The following DMBX1 variants were observed in gnomAD, a reference collection of about 807,000 sequenced individuals.
DMBX1 encodes diencephalon/mesencephalon homeobox protein 1.
In DMBX1, 7 loss-of-function variants were observed where a neutral mutation model predicts 30.4. The ratio of observed to expected loss-of-function variants is 0.23; its 90% confidence interval spans 0.13 to 0.43. The LOEUF is 0.43. Ranked by LOEUF, DMBX1 falls within the 20% of genes least tolerant of loss-of-function variation. The pLI is 1.00. For missense variants in DMBX1, 460 were observed against 508.5 expected, an observed-to-expected ratio of 0.90 and a Z score of 0.92; for synonymous variants, 222 against 214.2, an observed-to-expected ratio of 1.04 and a Z score of -0.32.
rs1262586601 is a variant in DMBX1 at position 46,512,425 on chromosome 1, C to T, written c.1065C>T (p.Ser355=). 6.2e-7 allele frequency: 1 copy of T among 1,613,922 alleles called. No homozygotes were observed. Among genetic ancestry groups the T allele is most frequent in the Admixed American group, 1.7e-5 (1 of 60,016 alleles). ...ASATLNSKTT[S]IENLRLRAKQ... Reference sequence around the variant, plus strand: ...CTACCCTGAACAGTAAAACCACAAGCATCGAGAACCTGCGGCTCCGGGCCA... The same window carrying T: ...CTACCCTGAACAGTAAAACCACAAGTATCGAGAACCTGCGGCTCCGGGCCA... The change falls in exon 6 of 6, where the codon AGC becomes AGT. Residue 355 remains serine (S), a synonymous_variant. Transcript: ENST00000360032. This position sits in a 1 kb window ranked among gnomAD's most constrained non-coding sequence, Gnocchi z 4.8.
intron 2 of DMBX1, among the ~76,000 whole-genome samples, chr1:46,498,684 A>T (rs892418940): frequency 7.9e-5 from 12 of 152,230 alleles, no homozygotes; most frequent in African/African-American, 2.7e-4. Context: ...AAATAGCCAG[A>T]TATACGCATA....
rs763952398 is a variant in DMBX1, at chr1:46,510,758, T to C, written c.333+104T>C. 1.8e-5 allele frequency: 26 copies of C among 1,432,424 alleles called. No homozygotes were observed. The highest frequency in any genetic ancestry group is 2.4e-5 in the Non-Finnish European group (26 of 1,065,254). 88.7% of individuals were successfully genotyped at this position (1,432,424 alleles called of 1,614,324 possible). On this transcript the variant is annotated intron_variant, in intron 4 of 5. Transcript: ENST00000360032. The surrounding 1 kb of genome is among the most constrained non-coding windows in gnomAD (Gnocchi z 4.1). ...TGTCATCCCTGTGCCAAGGTGCAACTGATCTCTCCATCAAAGCCTTCAGTG... is the reference window on the plus strand; with the variant it reads ...TGTCATCCCTGTGCCAAGGTGCAACCGATCTCTCCATCAAAGCCTTCAGTG...
chr1:46,506,057 T>TATTTTA (rs1553187185), intron 2 of DMBX1, among the ~76,000 whole-genome samples: 1 of 150,468 alleles, frequency 6.6e-6, no homozygotes, highest in East Asian at 1.9e-4. Flanking sequence ...CTCATTTCTT[T>TATTTTA]TTTTTATTTT....
At position 46,515,448 on chromosome 1, in the gene DMBX1, AG is replaced by A. The variant is rs1666471497; in HGVS notation, c.*2956del. On this transcript the variant is annotated 3_prime_UTR_variant, in exon 6 of 6. Transcript: ENST00000360032. The stretch of plus-strand genomic sequence containing the variant: ...AGGGGCAATGTTCTGTCATGGCTGG[AG>A]GCAGGCCCACCTTAGGAGCAGCCGA... Among the ~76,000 whole-genome samples, 1 of 152,172 alleles carries A rather than the reference AG, an allele frequency of 6.6e-6. No individual in the cohort carries two copies. Among genetic ancestry groups the A allele is most frequent in the African/African-American group, 2.4e-5 (1 of 41,444 alleles).
chr1:46,490,890 G>T (rs1338875410), intron 2 of DMBX1, among the ~76,000 whole-genome samples, 107 bp downstream of exon 2: 1 of 152,224 alleles, frequency 6.6e-6, no homozygotes, highest in Non-Finnish European at 1.5e-5. Context: ...GGCAGGCTGG[G>T]GCCAGTCCCC....
intron 3 of DMBX1, among the ~76,000 whole-genome samples, chr1:46,507,587 C>T (rs959315246): frequency 1.2e-4 from 18 of 152,206 alleles, no homozygotes; most frequent in African/African-American, 4.3e-4. Context: ...CTGACACCAA[C>T]TGTGAGTTAG....
intron 2 of DMBX1, among the ~76,000 whole-genome samples, chr1:46,492,094 G>C (rs1214398740): frequency 3.3e-5 from 5 of 152,194 alleles, no homozygotes; most frequent in Admixed American, 6.5e-5. Context: ...TGTCAGCCCA[G>C]ACCCCGAATG....
chr1:46,515,150 G>A lies in DMBX1; in HGVS notation c.*2656G>A, dbSNP rs960216374. On this transcript the variant is annotated 3_prime_UTR_variant, in exon 6 of 6. Coordinates refer to ENST00000360032, the MANE Select transcript of DMBX1 (RefSeq NM_172225.2). The stretch of plus-strand genomic sequence containing the variant: ...AGGAGAGACTTAGGCAGCGCTGTGG[G>A]AGGTTGGCAGATTCCAGGAGTGACA... Among the ~76,000 whole-genome samples the A allele has an allele frequency of 6.6e-6, 1 of 152,202 alleles. No homozygotes were observed. Among genetic ancestry groups the A allele is most frequent in the Non-Finnish European group, 1.5e-5 (1 of 68,040 alleles).
At chr1:46,496,997 C>A (rs771166763) in intron 2 of DMBX1, among the ~76,000 whole-genome samples, 2 of 152,232 alleles carry the variant, frequency 1.3e-5, no homozygotes, top group Non-Finnish European at 2.9e-5. Context: ...GGGGCAGCAG[C>A]CTTTCTCAGG....
chr1:46,507,896 G>A (rs1394279983), intron 3 of DMBX1, among the ~76,000 whole-genome samples: 1 of 152,184 alleles, frequency 6.6e-6, no homozygotes, highest in Admixed American at 6.5e-5. Context: ...GATGACATAT[G>A]CAAAGCATTC....
chr1:46,493,362 C>A lies in DMBX1; in HGVS notation c.-13+2579C>A, dbSNP rs1264346315. Among the ~76,000 whole-genome samples the A allele has an allele frequency of 2.0e-5, 3 of 152,180 alleles. No homozygotes were observed. The highest frequency in any genetic ancestry group is 4.4e-5 in the Non-Finnish European group (3 of 68,028). On this transcript the variant is annotated intron_variant, in intron 2 of 5. Coordinates refer to ENST00000360032, the MANE Select transcript of DMBX1 (RefSeq NM_172225.2). This position sits in a 1 kb window ranked among gnomAD's most constrained non-coding sequence, Gnocchi z 4.1. Reference sequence around the variant, plus strand: ...AGTTTCCCTTTCTGTAAGAAGGGCACCGAGCTGGGCTCTCCAATGTCCAGC... The same window carrying A: ...AGTTTCCCTTTCTGTAAGAAGGGCAACGAGCTGGGCTCTCCAATGTCCAGC...
rs182454785 is a variant in DMBX1, at chr1:46,515,193, G to C, written c.*2699G>C. Among the ~76,000 whole-genome samples the C allele has an allele frequency of 2.5e-3, 378 of 152,302 alleles. 1 individual carries two copies. The highest frequency in any genetic ancestry group is 4.1e-3 in the Non-Finnish European group (281 of 68,028). ...GAGTGACAGAGGAGGTTTTTGGTTT[G>C]GGAGGGATTTTGTGGCCAATAGCCC... On this transcript the variant is annotated 3_prime_UTR_variant, in exon 6 of 6. Transcript: ENST00000360032.
At chr1:46,507,858 C>T (rs1666271096) in intron 3 of DMBX1, among the ~76,000 whole-genome samples, 1 of 152,188 alleles carries the variant, frequency 6.6e-6, no homozygotes, top group South Asian at 2.1e-4. Flanking sequence ...CCATGCCCAT[C>T]CCCTAGGGTG....
At chr1:46,509,617 ATCCTGGGT>A (rs1666312924) in intron 3 of DMBX1, among the ~76,000 whole-genome samples, 1 of 152,134 alleles carries the variant, frequency 6.6e-6, no homozygotes, top group African/African-American at 2.4e-5. Flanking sequence ...GTAGACACCT[ATCCTGGGT>A]GGTTATCATG....
At chr1:46,498,002 C>A (rs969484510) in intron 2 of DMBX1, among the ~76,000 whole-genome samples, 1 of 152,160 alleles carries the variant, frequency 6.6e-6, no homozygotes, top group Non-Finnish European at 1.5e-5. Context: ...AGGCAGGGCC[C>A]GGCCTGGGGC....
chr1:46,501,666 T>C (rs1324364448), intron 2 of DMBX1, among the ~76,000 whole-genome samples: 4 of 152,164 alleles, frequency 2.6e-5, no homozygotes, highest in Admixed American at 2.0e-4. Flanking sequence ...TTACTTAGCC[T>C]ATCTTTTACT....
Position 46,510,906 on chromosome 1 carries a change from A to G in DMBX1, c.334-29A>G. ...CACCAACCCCACTTCTTTCTTGCCC[A>G]CCTCGGACTGCTCCTTTCCCGTCCC... On this transcript the variant is annotated intron_variant, in intron 4 of 5. Transcript: ENST00000360032. This position sits in a 1 kb window ranked among gnomAD's most constrained non-coding sequence, Gnocchi z 4.1. 6.4e-7 allele frequency: 1 copy of G among 1,557,272 alleles called. No individual in the cohort carries two copies. The highest frequency in any genetic ancestry group is 2.3e-5 in the East Asian group (1 of 43,924).
At chr1:46,490,312 C>G (rs533571696) in intron 1 of DMBX1, among the ~76,000 whole-genome samples, 2 of 152,060 alleles carry the variant, frequency 1.3e-5, no homozygotes, top group Non-Finnish European at 1.5e-5. Context: ...GAGAACGCTT[C>G]GGATCCGTCA....
rs1341463702 is a variant in DMBX1 at position 46,493,126 on chromosome 1, G to A, written c.-13+2343G>A. ...CACCCCACCCCTTTCTCACAGTCCC[G>A]CTCGGCCGCCCCGCAGTGCCCATGT... On this transcript the variant is annotated intron_variant, in intron 2 of 5. Transcript: ENST00000360032. This position sits in a 1 kb window ranked among gnomAD's most constrained non-coding sequence, Gnocchi z 4.1. Among the ~76,000 whole-genome samples, 5 of 151,648 alleles carry A rather than the reference G, an allele frequency of 3.3e-5. No homozygotes were observed. Among genetic ancestry groups the A allele is most frequent in the East Asian group, 1.9e-4 (1 of 5,162 alleles).
Sources: gnomAD v4.1 joint callset for allele counts (sites outside exome capture counted in the v4.1 genomes callset) on GRCh38, gnomAD v4.1.1 for gene constraint, Gnocchi (gnomAD v3.1) non-coding constraint, MANE v1.5 for transcripts, NCBI Gene and HGNC (gene_info 2026-07-23, HGNC 2026-07-21) for gene names.